The following LUZP2 variants were observed in gnomAD, a reference collection of about 807,000 sequenced individuals.
LUZP2 encodes leucine zipper protein 2.
Under a neutral mutation model 51.6 loss-of-function variants are expected in LUZP2, and 52 were observed. The observed-to-expected ratio is 1.01, with a 90% CI of 0.81 to 1.27. LUZP2 has a LOEUF of 1.27. Among genes scored for constraint, LUZP2 ranks in the 50% most tolerant of loss-of-function variants. The pLI is 0.00. For synonymous variants in LUZP2, 154 were observed against 137.3 expected (o/e 1.12, Z -0.85); for missense variants, 436 against 395.4 (o/e 1.10, Z -0.87).
At chr11:24,885,442 C>CA (rs2134306851) in intron 5 of LUZP2, among the ~76,000 whole-genome samples, 2 of 152,134 alleles carry the variant, frequency 1.3e-5, no homozygotes, top group East Asian at 3.9e-4. Context: ...CAAGATGTTA[C>CA]AAAATGTGTT....
chr11:25,039,874 T>C (rs1857986651), intron 9 of LUZP2, among the ~76,000 whole-genome samples: 1 of 152,224 alleles, frequency 6.6e-6, no homozygotes, highest in South Asian at 2.1e-4. Flanking sequence ...AAATTTTTTT[T>C]CAAACTCTGT....
At chr11:24,944,866 C>T (rs1244716762) in intron 7 of LUZP2, among the ~76,000 whole-genome samples, 2 of 152,120 alleles carry the variant, frequency 1.3e-5, no homozygotes, top group Admixed American at 6.5e-5. Flanking sequence ...AGGATAAAGG[C>T]TTTAAACTGT....
At chr11:24,596,874 A>T (rs1853461070) in intron 1 of LUZP2, among the ~76,000 whole-genome samples, 1 of 152,132 alleles carries the variant, frequency 6.6e-6, no homozygotes, top group Non-Finnish European at 1.5e-5. Context: ...TTTAAGGTCC[A>T]CCTTTTCTGA....
chr11:24,998,537 T>C (rs1371531527), intron 9 of LUZP2, among the ~76,000 whole-genome samples: 1 of 152,224 alleles, frequency 6.6e-6, no homozygotes, highest in African/African-American at 2.4e-5. Flanking sequence ...AATGGGGTTT[T>C]TCTCGTCTTG....
At chr11:24,833,728 A>ACACACT (rs1554918546) in intron 5 of LUZP2, among the ~76,000 whole-genome samples, 2,770 of 151,402 alleles carry the variant, frequency 0.018, 39 homozygotes, top group Non-Finnish European at 0.03. Flanking sequence ...ACACACACAC[A>ACACACT]CACTTGATTC....
intron 1 of LUZP2, among the ~76,000 whole-genome samples, chr11:24,672,184 C>T (rs11028096): frequency 0.19 from 28,716 of 152,020 alleles, 2,811 homozygotes; most frequent in East Asian, 0.3. Context: ...GTGTTATGAT[C>T]TCAAATTTTG....
intron 1 of LUZP2, among the ~76,000 whole-genome samples, chr11:24,678,933 C>T (rs149976810): frequency 2.0e-5 from 3 of 152,180 alleles, no homozygotes; most frequent in African/African-American, 4.8e-5. Flanking sequence ...AAGCCTGCAC[C>T]GCAAGAGAAC....
chr11:24,566,959 T>G (rs61875643), intron 1 of LUZP2, among the ~76,000 whole-genome samples: 53 of 3,888 alleles, frequency 0.014, no homozygotes, highest in South Asian at 0.022. Context: ...ATATATATAT[T>G]TATATATAAA....
intron 1 of LUZP2, among the ~76,000 whole-genome samples, chr11:24,568,885 A>G (rs1852334577): frequency 6.6e-6 from 1 of 152,038 alleles, no homozygotes; most frequent in South Asian, 2.1e-4. Context: ...TAAGAGACAT[A>G]GTAATACATA....
Position 24,580,454 on chromosome 11 carries a change from T to C in LUZP2, c.62+83149T>C, listed in dbSNP as rs567006080. ...CCTGTGATAAATGCACTGTATTTAA[T>C]ACAATGGGGCAGTCCCTTAATTTGA... On this transcript the variant is annotated intron_variant, in intron 1 of 11. Transcript: ENST00000336930. Among the ~76,000 whole-genome samples the C allele has an allele frequency of 1.8e-4, 27 of 152,234 alleles. No individual in the cohort carries two copies. In the South Asian group the frequency reaches 5.4e-3, roughly 30 times the overall value.
At chr11:24,733,646 T>A (rs897010110) in intron 3 of LUZP2, among the ~76,000 whole-genome samples, 5 of 151,548 alleles carry the variant, frequency 3.3e-5, no homozygotes, top group African/African-American at 4.8e-5. Context: ...GGTGGTGAGA[T>A]GTTGGCTAAA....
chr11:24,844,065 G>C (rs1851121408), intron 5 of LUZP2, among the ~76,000 whole-genome samples: 1 of 152,214 alleles, frequency 6.6e-6, no homozygotes, highest in Non-Finnish European at 1.5e-5. Context: ...AGATGTGGAA[G>C]TGACTTTGGA....
chr11:24,930,097 C>T (rs1207965315), intron 7 of LUZP2, among the ~76,000 whole-genome samples: 1 of 152,118 alleles, frequency 6.6e-6, no homozygotes, highest in African/African-American at 2.4e-5. Flanking sequence ...TATTCCACCC[C>T]CTTACCTTAA....
At chr11:24,792,581 G>T (rs983612264) in intron 5 of LUZP2, among the ~76,000 whole-genome samples, 6 of 152,012 alleles carry the variant, frequency 3.9e-5, no homozygotes, top group African/African-American at 1.4e-4. Context: ...TATAATCTCT[G>T]ACCTACAGGA....
chr11:24,993,733 T>C (rs1856417471), intron 9 of LUZP2, among the ~76,000 whole-genome samples: 1 of 152,208 alleles, frequency 6.6e-6, no homozygotes, highest in Admixed American at 6.5e-5. Context: ...TTTTAAGCTG[T>C]GTCTTTGTGC....
chr11:25,001,729 C>G (rs2133943717), intron 9 of LUZP2, among the ~76,000 whole-genome samples: 1 of 152,114 alleles, frequency 6.6e-6, no homozygotes, highest in Admixed American at 6.6e-5. Context: ...ATCTCTTTCT[C>G]TCTTTCCTTC....
chr11:25,066,560 GTTA>G (rs1859002006), intron 10 of LUZP2, among the ~76,000 whole-genome samples: 1 of 151,904 alleles, frequency 6.6e-6, no homozygotes, highest in African/African-American at 2.4e-5. Context: ...GATCTTAAGT[GTTA>G]TTTAGCTAAA....
At chr11:24,883,575 A>G (rs1852563976) in intron 5 of LUZP2, among the ~76,000 whole-genome samples, 1 of 152,040 alleles carries the variant, frequency 6.6e-6, no homozygotes, top group African/African-American at 2.4e-5. Flanking sequence ...TTTCGTTAGC[A>G]ATAATTTAAG....
At chr11:25,039,888 T>C (rs1018465322) in intron 9 of LUZP2, among the ~76,000 whole-genome samples, 2 of 152,254 alleles carry the variant, frequency 1.3e-5, no homozygotes, top group Middle Eastern at 6.8e-3. Context: ...ACTCTGTAGG[T>C]CATCTTTTTT....
Sources: allele counts gnomAD v4.1 joint callset (sites outside exome capture counted in the v4.1 genomes callset), GRCh38; gene constraint gnomAD v4.1.1; transcripts MANE v1.5; gene names NCBI Gene and HGNC (gene_info 2026-07-23, HGNC 2026-07-21).